Variants in TMPO observed in about 807,000 individuals in gnomAD.
The protein encoded by TMPO is LEM domain containing 4.
TMPO carries 22 observed loss-of-function variants against 45.4 expected under a neutral mutation model. The observed-to-expected ratio is 0.48, with a 90% CI of 0.35 to 0.69. The LOEUF (loss-of-function observed/expected upper bound fraction) is 0.69, where lower values mean the gene tolerates loss of function less well. Ranked by LOEUF, TMPO falls within the 30% of genes least tolerant of loss-of-function variation. The pLI, the probability that TMPO is intolerant of heterozygous loss-of-function variation, is 0.01. For missense variants in TMPO, 512 were observed against 548.8 expected (o/e 0.93, Z 0.67); for synonymous variants, 241 against 204.1 (o/e 1.18, Z -1.54).
At chr12:98,521,100 AT>A (rs398044704) in intron 1 of TMPO, among the ~76,000 whole-genome samples, 191 of 76,770 alleles carry the variant, frequency 2.5e-3, no homozygotes, top group East Asian at 0.018. Flanking sequence ...TTTATGAGGA[AT>A]TTTTTTTTTT....
At chr12:98,536,722 C>G (rs935555111) in intron 3 of TMPO, among the ~76,000 whole-genome samples, 8 of 152,166 alleles carry the variant, frequency 5.3e-5, no homozygotes, top group Non-Finnish European at 7.3e-5. Context: ...GACTAGGAGA[C>G]TGGAATATTG....
At chr12:98,529,101 T>G (rs1876999349) in intron 2 of TMPO, among the ~76,000 whole-genome samples, 1 of 151,406 alleles carries the variant, frequency 6.6e-6, no homozygotes, top group South Asian at 2.1e-4. Context: ...TTGCCCAGGC[T>G]AGAGTACAAT....
intron 1 of TMPO, among the ~76,000 whole-genome samples, chr12:98,526,343 G>A (rs529180579): frequency 2.6e-4 from 40 of 152,220 alleles, no homozygotes; most frequent in African/African-American, 9.4e-4. Context: ...TCCAGGACCC[G>A]GCCATGGATA....
chr12:98,517,840 A>G (rs1875989251), intron 1 of TMPO, among the ~76,000 whole-genome samples: 1 of 152,264 alleles, frequency 6.6e-6, no homozygotes, highest in Admixed American at 6.5e-5. Flanking sequence ...CTGCTCTGAA[A>G]AAGAAGGTAG....
chr12:98,530,554 A>G (rs1877121614), intron 2 of TMPO, among the ~76,000 whole-genome samples: 1 of 152,186 alleles, frequency 6.6e-6, no homozygotes, highest in Non-Finnish European at 1.5e-5. Flanking sequence ...AACAAAATCT[A>G]TTTTGGTTTT....
Position 98,547,954 on chromosome 12 carries a change from A to C in TMPO, c.*96A>C. 1.4e-6 allele frequency: 2 copies of C among 1,382,696 alleles called. No homozygotes were observed. Among genetic ancestry groups the C allele is most frequent in the Non-Finnish European group, 2.0e-6 (2 of 993,186 alleles). 85.7% of individuals were successfully genotyped at this position (1,382,696 alleles called of 1,614,324 possible). ...TTGTTGACTCCAAGAACTAAAAATA[A>C]TGTGATTTCGCCTCAATAAATGTAG... On this transcript the variant is annotated 3_prime_UTR_variant, in exon 9 of 9. Transcript: ENST00000556029.
intron 8 of TMPO, among the ~76,000 whole-genome samples, chr12:98,546,879 TC>T (rs1565817927): frequency 6.6e-6 from 1 of 152,106 alleles, no homozygotes; most frequent in Non-Finnish European, 1.5e-5. Flanking sequence ...AAATAGTTTT[TC>T]CCCCCTAAGT....
intron 2 of TMPO, 99 bp downstream of exon 2, chr12:98,528,111 T>C: frequency 1.4e-6 from 2 of 1,385,290 alleles, no homozygotes; most frequent in East Asian, 2.3e-5. Context: ...CAAGGACTGG[T>C]TTGTCATTAA....
intron 4 of TMPO, among the ~76,000 whole-genome samples, chr12:98,541,915 A>G (rs546734957): frequency 6.6e-6 from 1 of 152,258 alleles, no homozygotes; most frequent in East Asian, 1.9e-4. Flanking sequence ...TTCCATTTTT[A>G]ACCTAAACCT....
At position 98,533,340 on chromosome 12, in the gene TMPO, A is replaced by G. The variant is rs980155622; in HGVS notation, c.565+1502A>G. 9 of 1,614,130 alleles carry G rather than the reference A, an allele frequency of 5.6e-6. No homozygotes were observed. The Admixed American group carries it at 8.3e-5, about 15-fold the overall frequency. ...TCTCCAGTAAAAGGAAAGCACTAGA[A>G]GAGTCTGAGAGCTCACAACTAATTT... On this transcript the variant is annotated intron_variant, in intron 3 of 8. Coordinates refer to ENST00000556029, the MANE Select transcript of TMPO (RefSeq NM_001032283.3).
intron 3 of TMPO, chr12:98,532,781 C>G (rs767088160): frequency 6.2e-7 from 1 of 1,613,894 alleles, no homozygotes; most frequent in South Asian, 1.1e-5. Flanking sequence ...TCAGCTCAAA[C>G]ACAGGTAATG....
At chr12:98,519,814 T>C (rs1030261645) in intron 1 of TMPO, among the ~76,000 whole-genome samples, 1 of 152,190 alleles carries the variant, frequency 6.6e-6, no homozygotes. Flanking sequence ...ATTTTAAGTT[T>C]ACAGGAAAAG....
At chr12:98,535,259 A>T in intron 3 of TMPO, 2 of 982,552 alleles carry the variant, frequency 2.0e-6, no homozygotes, top group Non-Finnish European at 2.4e-6. Flanking sequence ...AGCAATATAG[A>T]CTCTAAAAGC....
intron 1 of TMPO, among the ~76,000 whole-genome samples, chr12:98,525,698 G>A (rs1003633710): frequency 4.1e-5 from 6 of 146,746 alleles, no homozygotes; most frequent in South Asian, 2.1e-4. Context: ...CCAAGATTGC[G>A]CCACTGCACT....
intron 4 of TMPO, among the ~76,000 whole-genome samples, chr12:98,542,868 A>G (rs1877998962): frequency 6.6e-6 from 1 of 152,122 alleles, no homozygotes; most frequent in African/African-American, 2.4e-5. Context: ...AAAAAAATAA[A>G]TAAAATAAAA....
chr12:98,544,725 AAATCT>A lies in TMPO; in HGVS notation c.879+192_879+196del. On this transcript the variant is annotated intron_variant, in intron 6 of 8. Transcript: ENST00000556029. ...CCTATAATATCCAATTTATGTAAAG[AAATCT>A]AATTCATTGTACAAGAAAGTATAAG... 9.3e-6 allele frequency: 6 copies of A among 648,244 alleles called. No individual in the cohort carries two copies. The South Asian group carries it at 1.2e-4, about 13-fold the overall frequency. 40.2% of individuals were successfully genotyped at this position (648,244 alleles called of 1,614,324 possible). A position where few individuals can be genotyped will look rare whatever the true frequency, so the allele number is the denominator to read the frequency against.
At chr12:98,545,172 T>C (rs1878158555) in intron 7 of TMPO, 111 bp downstream of exon 7, 2 of 756,618 alleles carry the variant, frequency 2.6e-6, no homozygotes, top group Non-Finnish European at 4.4e-6. Flanking sequence ...CAGAGCTTTC[T>C]TTATTGGGTG....
intron 1 of TMPO, among the ~76,000 whole-genome samples, chr12:98,521,252 G>A (rs1876342566): frequency 6.6e-6 from 1 of 150,998 alleles, no homozygotes. Context: ...GGGCTACGTG[G>A]TGGCACCTGC....
intron 4 of TMPO, among the ~76,000 whole-genome samples, chr12:98,541,560 G>A (rs1440283290): frequency 6.6e-6 from 1 of 152,054 alleles, no homozygotes; most frequent in Non-Finnish European, 1.5e-5. Context: ...TTGTCTTTAG[G>A]ACATATCCCA....
Sources: allele counts gnomAD v4.1 joint callset (sites outside exome capture counted in the v4.1 genomes callset), GRCh38; gene constraint gnomAD v4.1.1; transcripts MANE v1.5; gene names NCBI Gene and HGNC (gene_info 2026-07-23, HGNC 2026-07-21).